Variants in ZNF469 observed in about 807,000 individuals in gnomAD.
ZNF469 encodes the protein zinc finger protein 469.
A neutral mutation model predicts 1.0 loss-of-function variants in ZNF469; 1 was observed. That is an observed-to-expected ratio of 1.00 (90% CI 0.35 to 4.73). ZNF469 has a LOEUF of 4.73. ZNF469 is among the 30% of genes most tolerant of loss of function. The probability of loss-of-function intolerance (pLI) is 0.16; values close to 1 mark genes in which losing one functional copy is unlikely to be tolerated. For synonymous variants in ZNF469, 2,703 were observed against 2,363.4 expected (o/e 1.14, Z -4.17); for missense variants, 6,100 against 5,356.3 (o/e 1.14, Z -4.33).
rs1692015272 is a variant in ZNF469, at chr16:88,436,035, T to C, written c.8565T>C (p.Asp2855=). 1 of 1,550,318 alleles carries C rather than the reference T, an allele frequency of 6.5e-7. No homozygotes were observed. Among genetic ancestry groups the C allele is most frequent in the Non-Finnish European group, 8.7e-7 (1 of 1,146,974 alleles). ...AGGATCCTCCAAGCTTGTTTGATGATGAGGTCTCTTTCTCCCAGCTCTTCC... is the reference window on the plus strand; with the variant it reads ...AGGATCCTCCAAGCTTGTTTGATGACGAGGTCTCTTTCTCCCAGCTCTTCC... ...SAKDPPSLFD[D]EVSFSQLFPP... The change falls in exon 3 of 3, where the codon GAT becomes GAC. Residue 2855 remains aspartate, a synonymous_variant. Transcript: ENST00000565624.
rs373739616 is a variant in ZNF469, at chr16:88,402,578, T to TC, written c.-192+19327dup. Among the ~76,000 whole-genome samples, 580 of 152,246 alleles carry TC rather than the reference T, an allele frequency of 3.8e-3. 2 individuals carry two copies. Among genetic ancestry groups the TC allele is most frequent in the African/African-American group, 0.014 (565 of 41,530 alleles). On this transcript the variant is annotated intron_variant, in intron 1 of 2. Coordinates refer to ENST00000565624, the MANE Select transcript of ZNF469 (RefSeq NM_001367624.2). ...AGTTTCCCTCTGTGAGTAGAGACTTTCCCAGGATGCTGGTTGCAGCTCAGA... is the reference window on the plus strand; with the variant it reads ...AGTTTCCCTCTGTGAGTAGAGACTTTCCCCAGGATGCTGGTTGCAGCTCAGA...
chr16:88,164,667 T>C, the ZNF469 span, among the ~76,000 whole-genome samples: 3 of 152,152 alleles, frequency 2.0e-5, no homozygotes, highest in African/African-American at 7.2e-5. Context: ...CCAGATGATT[T>C]CACTGTGCTT....
the ZNF469 span, among the ~76,000 whole-genome samples, chr16:88,148,033 C>T: frequency 0.55 from 83,963 of 151,370 alleles, 27,769 homozygotes; most frequent in Non-Finnish European, 0.76. Context: ...GTGTGTACGC[C>T]GGCGGTCACC....
the ZNF469 span, among the ~76,000 whole-genome samples, chr16:88,287,957 GTT>G: frequency 6.6e-6 from 1 of 152,014 alleles, no homozygotes; most frequent in Admixed American, 6.6e-5. Flanking sequence ...TGGCTGGTTT[GTT>G]TGCTTGCTTT....
the ZNF469 span, among the ~76,000 whole-genome samples, chr16:88,143,468 T>G: frequency 6.6e-6 from 1 of 151,864 alleles, no homozygotes; most frequent in Non-Finnish European, 1.5e-5. Context: ...CCCCCACTCC[T>G]TCCCCCTAAG....
At chr16:88,153,825 G>A in the ZNF469 span, among the ~76,000 whole-genome samples, 502 of 152,314 alleles carry the variant, frequency 3.3e-3, 3 homozygotes, top group African/African-American at 0.011. Flanking sequence ...TGCATACATC[G>A]GGGTAGAATG....
At chr16:88,218,519 CATG>C in the ZNF469 span, among the ~76,000 whole-genome samples, 1 of 152,124 alleles carries the variant, frequency 6.6e-6, no homozygotes, top group Non-Finnish European at 1.5e-5. Context: ...TCCTTGCCCA[CATG>C]ATTATCTCAA....
the ZNF469 span, among the ~76,000 whole-genome samples, chr16:88,331,313 CATT>C: frequency 5.2e-4 from 79 of 151,560 alleles, no homozygotes; most frequent in African/African-American, 1.7e-3. Context: ...TCATTATCAT[CATT>C]GTTACCATGA....
chr16:88,269,163 G>A, the ZNF469 span, among the ~76,000 whole-genome samples: 3 of 152,182 alleles, frequency 2.0e-5, no homozygotes, highest in Non-Finnish European at 2.9e-5. Flanking sequence ...CGGGAGCTGG[G>A]CTCCACACCA....
chr16:88,406,864 G>A (rs1332966094), intron 1 of ZNF469, among the ~76,000 whole-genome samples: 4 of 152,232 alleles, frequency 2.6e-5, no homozygotes, highest in South Asian at 2.1e-4. Flanking sequence ...TTCCCCCGTC[G>A]GCCCCCAGGT....
rs1018760669 is a variant in ZNF469 at position 88,439,066 on chromosome 16, A to C, written c.11596A>C (p.Ser3866Arg). Residue 3866 changes from serine to arginine, a missense_variant, in exon 3 of 3, where the codon AGC becomes CGC. Coordinates refer to ENST00000565624, the MANE Select transcript of ZNF469 (RefSeq NM_001367624.2). ...GCTCCCGACCAAGCCCAAGCCCAAC[A>C]GCCAGAACAAACCCAGGCCGCCACC... ...RVLPTKPKPN[S>R]QNKPRPPPSE... 1.3e-6 allele frequency: 2 copies of C among 1,550,566 alleles called. No homozygotes were observed. The highest frequency in any genetic ancestry group is 1.7e-6 in the Non-Finnish European group (2 of 1,146,902).
chr16:88,193,511 C>T, the ZNF469 span: 1 of 152,166 alleles, frequency 6.6e-6, no homozygotes, highest in South Asian at 2.1e-4. Context: ...TTAGCCTGGG[C>T]ACTACACAGG....
chr16:88,226,813 C>T, the ZNF469 span, among the ~76,000 whole-genome samples: 2 of 149,856 alleles, frequency 1.3e-5, no homozygotes, highest in Non-Finnish European at 3.0e-5. Context: ...CTTATTTGCA[C>T]CCTGCGTACT....
intron 1 of ZNF469, among the ~76,000 whole-genome samples, chr16:88,388,652 AC>A (rs1472587155): frequency 6.6e-6 from 1 of 152,094 alleles, no homozygotes; most frequent in Non-Finnish European, 1.5e-5. Context: ...GAGCCAGGAT[AC>A]CCGGGTCTCC....
At chr16:88,323,308 G>T in the ZNF469 span, among the ~76,000 whole-genome samples, 1 of 152,174 alleles carries the variant, frequency 6.6e-6, no homozygotes, top group African/African-American at 2.4e-5. Flanking sequence ...TGACACCCTC[G>T]CAGGCCGCTC....
intron 1 of ZNF469, among the ~76,000 whole-genome samples, chr16:88,401,021 C>T (rs2142273716): frequency 6.6e-6 from 1 of 152,102 alleles, no homozygotes; most frequent in South Asian, 2.1e-4. Context: ...GGCCATTGTC[C>T]CCCACCAAGC....
At chr16:88,395,696 G>A (rs997222878) in intron 1 of ZNF469, among the ~76,000 whole-genome samples, 2 of 152,174 alleles carry the variant, frequency 1.3e-5, no homozygotes, top group Non-Finnish European at 2.9e-5. Flanking sequence ...TCAGGGCTGT[G>A]TGACCAGCAA....
At position 88,438,003 on chromosome 16, in the gene ZNF469, G is replaced by A. The variant is rs767190349; in HGVS notation, c.10533G>A (p.Leu3511=). 1 of 1,549,474 alleles carries A rather than the reference G, an allele frequency of 6.5e-7. No individual in the cohort carries two copies. Among genetic ancestry groups the A allele is most frequent in the South Asian group, 1.2e-5 (1 of 84,064 alleles). The change falls in exon 3 of 3, where the codon CTG becomes CTA. Residue 3511 remains leucine (L), a synonymous_variant. Transcript: ENST00000565624. ...SEGSLPALLH[L]CSEVAPSTTK... ...GCTCTCTCCCGGCCCTGCTCCACCT[G>A]TGTTCGGAGGTGGCTCCCAGCACCA... is the stretch of plus-strand genomic sequence containing the variant.
At chr16:88,145,725 C>T in the ZNF469 span, among the ~76,000 whole-genome samples, 620 of 152,364 alleles carry the variant, frequency 4.1e-3, 6 homozygotes, top group African/African-American at 0.014. Flanking sequence ...CCTCTTGCCC[C>T]GTCGCTGCAG....
Sources: allele counts gnomAD v4.1 joint callset (sites outside exome capture counted in the v4.1 genomes callset), GRCh38; gene constraint gnomAD v4.1.1; transcripts MANE v1.5; gene names NCBI Gene and HGNC (gene_info 2026-07-23, HGNC 2026-07-21).